PSTPIP2: variants seen among roughly 807,000 people sequenced by gnomAD.
The protein encoded by PSTPIP2 is proline-serine-threonine phosphatase-interacting protein 2.
A neutral mutation model predicts 63.3 loss-of-function variants in PSTPIP2; 33 were observed. The ratio of observed to expected loss-of-function variants is 0.52; its 90% CI spans 0.40 to 0.70. PSTPIP2 has a LOEUF of 0.70. PSTPIP2 is among the 30% of genes least tolerant of loss of function. PSTPIP2 has a pLI of 0.00. For synonymous variants in PSTPIP2, 125 were observed against 132.7 expected, an observed-to-expected ratio of 0.94 and a Z score of 0.40; for missense variants, 312 against 400.7, an observed-to-expected ratio of 0.78 and a Z score of 1.89.
intron 2 of PSTPIP2, chr18:46,028,610 A>G (rs1907678841): frequency 1.3e-6 from 1 of 790,878 alleles, no homozygotes; most frequent in African/African-American, 1.7e-5. Context: ...GTAATTGTGC[A>G]CCTCAAAAGA....
At chr18:46,070,393 T>C (rs966787809) in intron 1 of PSTPIP2, among the ~76,000 whole-genome samples, 3 of 152,010 alleles carry the variant, frequency 2.0e-5, no homozygotes, top group Non-Finnish European at 2.9e-5. Context: ...CCAGCATCCC[T>C]GGCATGGGGC....
At chr18:46,040,988 T>C in intron 1 of PSTPIP2, 1 of 457,232 alleles carries the variant, frequency 2.2e-6, no homozygotes, top group Non-Finnish European at 4.4e-6. Flanking sequence ...TACAGGACCA[T>C]GTAACCTGGT....
At chr18:45,986,822 T>C (rs1270882051) in intron 14 of PSTPIP2, among the ~76,000 whole-genome samples, 1 of 152,208 alleles carries the variant, frequency 6.6e-6, no homozygotes, top group Non-Finnish European at 1.5e-5. Flanking sequence ...AGGACTTATG[T>C]TTAAATATAA....
chr18:46,055,382 A>AG (rs749077886), intron 1 of PSTPIP2, among the ~76,000 whole-genome samples: 3 of 152,188 alleles, frequency 2.0e-5, no homozygotes, highest in Admixed American at 6.5e-5. Context: ...CCCAGGCTGG[A>AG]GTGCAGTGAT....
intron 1 of PSTPIP2, among the ~76,000 whole-genome samples, chr18:46,049,470 T>G (rs1302204349): frequency 6.6e-6 from 1 of 150,954 alleles, no homozygotes; most frequent in African/African-American, 2.4e-5. Context: ...AAAATAAAAG[T>G]TTAAAAAAAA....
intron 1 of PSTPIP2, among the ~76,000 whole-genome samples, chr18:46,060,884 A>G (rs1338908124): frequency 6.6e-6 from 1 of 152,234 alleles, no homozygotes; most frequent in Non-Finnish European, 1.5e-5. Context: ...TGTACTCTAT[A>G]GTACTCTATC....
chr18:46,028,958 C>A, intron 2 of PSTPIP2: 1 of 1,136,020 alleles, frequency 8.8e-7, no homozygotes, highest in Non-Finnish European at 1.3e-6. Context: ...CGTCCTTCTG[C>A]TGCTCAGATC....
At chr18:46,044,711 G>A (rs574811595) in intron 1 of PSTPIP2, among the ~76,000 whole-genome samples, 1 of 152,226 alleles carries the variant, frequency 6.6e-6, no homozygotes, top group South Asian at 2.1e-4. Flanking sequence ...TACCATCAGA[G>A]TGAACAGGCA....
At position 45,998,796 on chromosome 18, in the gene PSTPIP2, G is replaced by A. The variant is rs748217162; in HGVS notation, c.560C>T (p.Ser187Leu). Residue 187 changes from serine to leucine, a missense_variant and splice_region_variant, in exon 8 of 15, where the codon TCA becomes TTA. Coordinates refer to ENST00000409746, the MANE Select transcript of PSTPIP2 (RefSeq NM_024430.4). ...LATSKTAVED[S>L]DKAYMLHIGT... ...ATCCGTAGGAACTGCCCCCTCACCT[G>A]AGTCCTCTACTGCGGTCTTTGAAGT... The A allele has an allele frequency of 3.1e-6, 5 of 1,613,000 alleles. No individual in the cohort carries two copies. In the South Asian group the frequency reaches 4.4e-5, roughly 14 times the overall value.
At chr18:46,044,543 AC>A (rs1462081826) in intron 1 of PSTPIP2, among the ~76,000 whole-genome samples, 1 of 152,176 alleles carries the variant, frequency 6.6e-6, no homozygotes, top group African/African-American at 2.4e-5. Context: ...CAGACCTAAA[AC>A]CATAAAAACC....
rs1401684807 is a variant in PSTPIP2, at chr18:46,028,812, G to A, written c.135-4126C>T. The A allele has an allele frequency of 2.0e-6, 3 of 1,501,420 alleles. No individual in the cohort carries two copies. In the African/African-American group the frequency reaches 4.1e-5, roughly 21 times the overall value. 93.0% of individuals were successfully genotyped at this position (1,501,420 alleles called of 1,614,324 possible). A position where few individuals can be genotyped will look rare whatever the true frequency, so the allele number is the denominator to read the frequency against. ...CTGCCTGGGCAGAGACTAATAAGCTGAAAACAACTTCAGATGATGAAAGTG... is the reference window on the plus strand; with the variant it reads ...CTGCCTGGGCAGAGACTAATAAGCTAAAAACAACTTCAGATGATGAAAGTG... On this transcript the variant is annotated intron_variant, in intron 2 of 14. Coordinates refer to ENST00000409746, the MANE Select transcript of PSTPIP2 (RefSeq NM_024430.4).
intron 6 of PSTPIP2, among the ~76,000 whole-genome samples, chr18:46,002,263 T>C (rs949985038): frequency 1.3e-5 from 2 of 152,210 alleles, no homozygotes; most frequent in African/African-American, 4.8e-5. Flanking sequence ...TGTCTTTTGC[T>C]AAATTTGGAA....
chr18:46,045,800 G>A (rs901745412), intron 1 of PSTPIP2, among the ~76,000 whole-genome samples: 16 of 152,120 alleles, frequency 1.1e-4, no homozygotes, highest in Non-Finnish European at 2.1e-4. Context: ...TTTTGACCCA[G>A]GCATGGTGGT....
In PSTPIP2 at chr18:46,070,938, C is replaced by T. The variant is rs139620029; in HGVS notation, c.33+1218G>A. ...ATTCTCCAGTTTGTATTATACAGAG[C>T]CTTTTTCCCACAGTGCCTGCCATGG... On this transcript the variant is annotated intron_variant, in intron 1 of 14. Coordinates refer to ENST00000409746, the MANE Select transcript of PSTPIP2 (RefSeq NM_024430.4). Among the ~76,000 whole-genome samples the T allele has an allele frequency of 1.4e-4, 22 of 152,270 alleles. No homozygotes were observed. In the East Asian group the frequency reaches 4.2e-3, roughly 29 times the overall value.
intron 13 of PSTPIP2, chr18:45,989,514 T>C: frequency 6.2e-6 from 1 of 160,296 alleles, no homozygotes. Context: ...CTTGGGTATG[T>C]CTTTATCAGC....
At chr18:46,048,272 C>G (rs968985819) in intron 1 of PSTPIP2, among the ~76,000 whole-genome samples, 2 of 152,214 alleles carry the variant, frequency 1.3e-5, no homozygotes, top group South Asian at 2.1e-4. Flanking sequence ...TACAGGCAAT[C>G]TCTAGAATCT....
intron 4 of PSTPIP2, among the ~76,000 whole-genome samples, chr18:46,011,489 T>C (rs1255383636): frequency 6.6e-6 from 1 of 152,188 alleles, no homozygotes; most frequent in African/African-American, 2.4e-5. Context: ...CTAGAAGATC[T>C]TTAGCTTAGC....
chr18:46,031,832 A>G (rs1233502142), intron 2 of PSTPIP2, among the ~76,000 whole-genome samples: 1 of 152,134 alleles, frequency 6.6e-6, no homozygotes, highest in African/African-American at 2.4e-5. Flanking sequence ...CTTGTTCCCC[A>G]TGAAACAAGA....
At chr18:45,999,621 T>C (rs1170800445) in intron 6 of PSTPIP2, 87 bp from the exon 7 acceptor site, 1 of 1,347,824 alleles carries the variant, frequency 7.4e-7, no homozygotes, top group Non-Finnish European at 1.1e-6. Context: ...AAGTCCAGCA[T>C]GGACAGGGCC....
Sources: allele counts gnomAD v4.1 joint callset (sites outside exome capture counted in the v4.1 genomes callset), GRCh38; gene constraint gnomAD v4.1.1; transcripts MANE v1.5; gene names NCBI Gene and HGNC (gene_info 2026-07-23, HGNC 2026-07-21).